SGK3: variants seen among roughly 807,000 people sequenced by gnomAD.
The protein encoded by SGK3 is serum/glucocorticoid regulated kinase family member 3, also known as serine/threonine-protein kinase Sgk3.
SGK3 carries 47 observed loss-of-function variants against 68.5 expected under a neutral mutation model. That is an observed-to-expected ratio of 0.69 (90% confidence interval 0.54 to 0.87). SGK3 has a LOEUF of 0.87. Among genes scored for constraint, SGK3 ranks in the 40% least tolerant of loss-of-function variants. SGK3 has a pLI of 0.00. For missense variants in SGK3, 479 were observed against 575.5 expected, an observed-to-expected ratio of 0.83 and a Z score of 1.72; for synonymous variants, 181 against 189.1, an observed-to-expected ratio of 0.96 and a Z score of 0.35.
At chr8:66,715,262 T>TTTCTTTC (rs1370956569) in intron 1 of SGK3, among the ~76,000 whole-genome samples, 2 of 144,368 alleles carry the variant, frequency 1.4e-5, no homozygotes, top group Admixed American at 6.7e-5. Context: ...TCTTTCTTTC[T>TTTCTTTC]TTGTTTTTTT....
At chr8:66,749,387 T>C (rs1487076977) in intron 1 of SGK3, among the ~76,000 whole-genome samples, 4 of 151,770 alleles carry the variant, frequency 2.6e-5, no homozygotes, top group Non-Finnish European at 5.9e-5. Flanking sequence ...TGAGACCCTG[T>C]CTCAAAAAAC....
intron 1 of SGK3, among the ~76,000 whole-genome samples, chr8:66,716,027 A>C (rs1489599031): frequency 6.6e-6 from 1 of 152,218 alleles, no homozygotes; most frequent in Non-Finnish European, 1.5e-5. Flanking sequence ...CTCTTTTTGA[A>C]AAAAATTAAT....
intron 1 of SGK3, among the ~76,000 whole-genome samples, chr8:66,763,152 A>G (rs1806221028): frequency 6.6e-6 from 1 of 152,242 alleles, no homozygotes; most frequent in Non-Finnish European, 1.5e-5. Context: ...CCTGGAGTGC[A>G]GTTTATATTG....
intron 10 of SGK3, among the ~76,000 whole-genome samples, chr8:66,839,625 T>C: frequency 6.8e-6 from 1 of 146,138 alleles, no homozygotes; most frequent in Non-Finnish European, 1.5e-5. Flanking sequence ...TTTGTTTTTT[T>C]CAAATGGAAA....
At chr8:66,715,774 A>AAT (rs1354235726) in intron 1 of SGK3, among the ~76,000 whole-genome samples, 1 of 152,200 alleles carries the variant, frequency 6.6e-6, no homozygotes, top group Non-Finnish European at 1.5e-5. Flanking sequence ...CCAGGTGGAT[A>AAT]ACCTTCAATT....
At chr8:66,811,565 ACTT>A (rs1208062219) in intron 4 of SGK3, among the ~76,000 whole-genome samples, 3 of 152,118 alleles carry the variant, frequency 2.0e-5, no homozygotes, top group Non-Finnish European at 4.4e-5. Context: ...CTGCTACTGG[ACTT>A]CTTCTTATAT....
intron 1 of SGK3, among the ~76,000 whole-genome samples, chr8:66,732,646 A>G (rs1294850341): frequency 6.6e-6 from 1 of 152,140 alleles, no homozygotes; most frequent in Non-Finnish European, 1.5e-5. Context: ...GGAGTTCAAG[A>G]CCAGCCTGGC....
chr8:66,749,936 T>G lies in SGK3; in HGVS notation c.-122+37103T>G, dbSNP rs567262423. Among the ~76,000 whole-genome samples, 3 of 128,508 alleles carry G rather than the reference T, an allele frequency of 2.3e-5. No homozygotes were observed. The East Asian group carries it at 6.4e-4, about 28-fold the overall frequency. The allele number at this position is 128,508 out of a possible 152,430, so 84.3% of individuals were successfully genotyped here. On this transcript the variant is annotated intron_variant, in intron 1 of 16. Transcript: ENST00000521198. ...CTGCCTGGAAATAGTTTCTAGGGTG[T>G]GTGTGTGTGTGTGTGTGTGTGTGTG...
intron 1 of SGK3, among the ~76,000 whole-genome samples, chr8:66,777,028 G>A (rs1156528731): frequency 6.6e-6 from 1 of 152,150 alleles, no homozygotes; most frequent in Non-Finnish European, 1.5e-5. Flanking sequence ...TCAGGAAGTG[G>A]AACCCTGAAT....
intron 1 of SGK3, among the ~76,000 whole-genome samples, chr8:66,789,480 A>T (rs1807347552): frequency 6.6e-6 from 1 of 152,184 alleles, no homozygotes; most frequent in Admixed American, 6.5e-5. Flanking sequence ...GTTACTAAGT[A>T]TATCTGTTTC....
chr8:66,724,130 G>A (rs1804905485), intron 1 of SGK3, among the ~76,000 whole-genome samples: 1 of 152,038 alleles, frequency 6.6e-6, no homozygotes, highest in Non-Finnish European at 1.5e-5. Flanking sequence ...ATGCCACCAT[G>A]CCCAGCTATT....
rs181222371 is a variant in SGK3, at chr8:66,745,985, G to A, written c.-122+33152G>A. 6.9e-3 allele frequency among the ~76,000 whole-genome samples: 1,044 copies of A among 152,244 alleles called. 9 individuals are homozygous for A. Among genetic ancestry groups the A allele is most frequent in the African/African-American group, 0.024 (1,000 of 41,534 alleles). On this transcript the variant is annotated intron_variant, in intron 1 of 16. Transcript: ENST00000521198. ...GATTAAGTTTCAACTTGAGTTTGGAGGGGACAAAACGTTCAAGCCATAGCA... is the reference window on the plus strand; with the variant it reads ...GATTAAGTTTCAACTTGAGTTTGGAAGGGACAAAACGTTCAAGCCATAGCA...
In SGK3 at chr8:66,744,507, A is replaced by T. The variant is rs1336029127; in HGVS notation, c.-122+31674A>T. Among the ~76,000 whole-genome samples, 67 of 23,890 alleles carry T rather than the reference A, an allele frequency of 2.8e-3. 2 individuals carry two copies. Among genetic ancestry groups the T allele is most frequent in the African/African-American group, 0.015 (58 of 3,986 alleles). The allele number at this position is 23,890 out of a possible 152,430, so 15.7% of individuals were successfully genotyped here. A position where few individuals can be genotyped will look rare whatever the true frequency, so the allele number is the denominator to read the frequency against. ...TGTATATATATATATATATATATAT[A>T]TATATATATATATTTTTTTTTTTTT... is the stretch of plus-strand genomic sequence containing the variant. On this transcript the variant is annotated intron_variant, in intron 1 of 16. Transcript: ENST00000521198.
rs887395893 is a variant in SGK3, at chr8:66,784,921, T to A, written c.-121-8695T>A. On this transcript the variant is annotated intron_variant, in intron 1 of 16. Coordinates refer to ENST00000521198, the MANE Select transcript of SGK3 (RefSeq NM_001033578.3). ...AAAAAACTGTATCCTTGATAGTGTC[T>A]TTTCTTGTGTCCTCCTTATTTCATA... 2.0e-5 allele frequency among the ~76,000 whole-genome samples: 3 copies of A among 152,292 alleles called. No individual in the cohort carries two copies. In the East Asian group the frequency reaches 5.8e-4, roughly 29 times the overall value.
intron 4 of SGK3, among the ~76,000 whole-genome samples, chr8:66,809,148 C>T (rs1808282778): frequency 6.6e-6 from 1 of 152,106 alleles, no homozygotes; most frequent in Non-Finnish European, 1.5e-5. Context: ...GATTACACCA[C>T]CACCACTCCT....
intron 7 of SGK3, 68 bp downstream of exon 7, chr8:66,828,771 G>A: frequency 6.4e-7 from 1 of 1,562,618 alleles, no homozygotes; most frequent in Non-Finnish European, 8.8e-7. Flanking sequence ...AGCGTATGCA[G>A]ATATGTATAA....
intron 1 of SGK3, among the ~76,000 whole-genome samples, chr8:66,781,042 C>T (rs947384273): frequency 2.0e-5 from 3 of 152,154 alleles, no homozygotes; most frequent in East Asian, 1.9e-4. Context: ...CCAGCTTGAC[C>T]GCAGGCCCCA....
At chr8:66,813,274 T>C (rs1260941961) in intron 4 of SGK3, among the ~76,000 whole-genome samples, 2 of 152,170 alleles carry the variant, frequency 1.3e-5, no homozygotes, top group African/African-American at 4.8e-5. Flanking sequence ...AGAAAAATTT[T>C]TAAAAAGAAA....
At chr8:66,823,987 T>G (rs1808953547) in intron 6 of SGK3, among the ~76,000 whole-genome samples, 1 of 152,140 alleles carries the variant, frequency 6.6e-6, no homozygotes, top group African/African-American at 2.4e-5. Flanking sequence ...TATGGTTCTG[T>G]TTTTGTGATT....
Sources: allele counts gnomAD v4.1 joint callset (sites outside exome capture counted in the v4.1 genomes callset), GRCh38; gene constraint gnomAD v4.1.1; transcripts MANE v1.5; gene names NCBI Gene and HGNC (gene_info 2026-07-23, HGNC 2026-07-21).